The following SLC13A4 variants were observed in gnomAD, a reference collection of about 807,000 sequenced individuals.
The protein encoded by SLC13A4 is Na(+)/sulfate cotransporter SUT-1.
In SLC13A4, 28 loss-of-function variants were observed where a neutral mutation model predicts 72.7. The observed-to-expected ratio is 0.39, with a 90% CI of 0.29 to 0.53. The LOEUF (loss-of-function observed/expected upper bound fraction) is 0.53. Ranked by LOEUF, SLC13A4 falls within the 20% of genes least tolerant of loss-of-function variation. The probability of loss-of-function intolerance (pLI) is 0.78; values close to 1 mark genes in which losing one functional copy is unlikely to be tolerated. For synonymous variants in SLC13A4, 312 were observed against 325.5 expected (o/e 0.96, Z 0.45); for missense variants, 653 against 788.0 (o/e 0.83, Z 2.05).
intron 2 of SLC13A4, 102 bp downstream of exon 2, chr7:135,721,293 C>A: frequency 1.4e-6 from 2 of 1,391,802 alleles, no homozygotes; most frequent in Non-Finnish European, 1.0e-6. Flanking sequence ...GTGACAAGGC[C>A]CCCTCATCGT....
chr7:135,685,766 T>C (rs1175616443), intron 13 of SLC13A4, 83 bp from the exon 14 acceptor site: 2 of 1,310,978 alleles, frequency 1.5e-6, no homozygotes, highest in South Asian at 1.4e-5. Flanking sequence ...AGGTCAGGGA[T>C]GTTGGAAGGC....
intron 11 of SLC13A4, chr7:135,692,111 A>T: frequency 1.8e-6 from 1 of 568,656 alleles, no homozygotes; most frequent in Non-Finnish European, 3.1e-6. Flanking sequence ...TTATGTAATG[A>T]GACTACATGC....
rs540502640 is a variant in SLC13A4 at position 135,725,249 on chromosome 7, G to A, written c.99+2149C>T. Among the ~76,000 whole-genome samples the A allele has an allele frequency of 9.2e-5, 14 of 152,310 alleles. 1 individual carries two copies. Among genetic ancestry groups the A allele is most frequent in the East Asian group, 7.7e-4 (4 of 5,188 alleles). ...TACTCACTTAGGCGTGGAACTGCTC[G>A]TTTTCCACGCAGTTTGACCACCCCA... On this transcript the variant is annotated intron_variant, in intron 1 of 15. Transcript: ENST00000682651.
At chr7:135,714,180 G>A (rs899874796) in intron 2 of SLC13A4, among the ~76,000 whole-genome samples, 2 of 152,196 alleles carry the variant, frequency 1.3e-5, no homozygotes, top group South Asian at 2.1e-4. Flanking sequence ...TAAAGAAAAG[G>A]TTTCATTGCT....
In SLC13A4 at chr7:135,684,234, A is replaced by G. The variant is rs999325764; in HGVS notation, c.1636T>C (p.Tyr546His). The G allele has an allele frequency of 6.2e-7, 1 of 1,611,678 alleles. No homozygotes were observed. The highest frequency in any genetic ancestry group is 8.5e-7 in the Non-Finnish European group (1 of 1,178,624). ...CACATGGTGACTGGGATCAGGGTGTAGAGGGGGTTAATGTGCAGCGTTTCA... is the reference window on the plus strand; with the variant it reads ...CACATGGTGACTGGGATCAGGGTGTGGAGGGGGTTAATGTGCAGCGTTTCA... ...LSETLHINPL[Y>H]TLIPVTMCIS... Residue 546 changes from tyrosine to histidine, a missense_variant, in exon 15 of 16, where the codon TAC (tyrosine) becomes CAC (histidine). Physicochemically the swap from Tyr to His is moderately conservative, Grantham distance 83. Transcript: ENST00000682651.
At chr7:135,698,095 C>G (rs192298611) in intron 8 of SLC13A4, among the ~76,000 whole-genome samples, 16 of 152,056 alleles carry the variant, frequency 1.1e-4, no homozygotes, top group Admixed American at 2.6e-4. Flanking sequence ...TGCTGTGGTG[C>G]GATCTCAGCT....
At chr7:135,693,335 G>A (rs977280627) in intron 10 of SLC13A4, 1 of 152,144 alleles carries the variant, frequency 6.6e-6, no homozygotes, top group Non-Finnish European at 1.5e-5. Flanking sequence ...AGAGTACAAA[G>A]TTGAGTTGAG....
chr7:135,705,616 T>G lies in SLC13A4; in HGVS notation c.573A>C (p.Glu191Asp), dbSNP rs1437144365. ...CTCACTCTTCATTGACAAAGATGAG[T>G]TCCAGAGAAGGTTGGCTGTTCTTTA... Reference protein sequence around the residue: ...LDVKNSQPSLELIFVNEDRSN... With the variant: ...LDVKNSQPSLDLIFVNEDRSN... The change falls in exon 5 of 16, where the codon GAA becomes GAC. Residue 191 changes from glutamate to aspartate, a missense_variant. Coordinates refer to ENST00000682651, the MANE Select transcript of SLC13A4 (RefSeq NM_001318192.2). 5 of 1,613,684 alleles carry G rather than the reference T, an allele frequency of 3.1e-6. No homozygotes were observed. In the East Asian group the frequency reaches 1.1e-4, roughly 36 times the overall value.
At chr7:135,698,104 C>G (rs1028247288) in intron 8 of SLC13A4, among the ~76,000 whole-genome samples, 1 of 152,140 alleles carries the variant, frequency 6.6e-6, no homozygotes, top group Non-Finnish European at 1.5e-5. Flanking sequence ...GCGATCTCAG[C>G]TCACTGCAAC....
chr7:135,697,149 G>A (rs1045258323), intron 8 of SLC13A4, among the ~76,000 whole-genome samples: 13 of 152,222 alleles, frequency 8.5e-5, no homozygotes, highest in Admixed American at 3.9e-4. Flanking sequence ...TAAACCAAGC[G>A]TGACGCCTGT....
chr7:135,701,570 G>A, intron 7 of SLC13A4, 110 bp downstream of exon 7: 1 of 1,062,808 alleles, frequency 9.4e-7, no homozygotes, highest in South Asian at 1.3e-5. Flanking sequence ...ATGAGTGCCT[G>A]GTGACAGCTC....
intron 2 of SLC13A4, among the ~76,000 whole-genome samples, chr7:135,711,963 ATTTTTTTTTTTTTTTTTTTTTT>A (rs529940903): frequency 1.1e-4 from 5 of 46,886 alleles, no homozygotes; most frequent in African/African-American, 3.0e-4. Context: ...ATGTTTTTGG[ATTTTTTTTTTTTTTTTTTTTTT>A]TTTTTTTTTT....
chr7:135,683,330 A>T (rs1795548045), intron 15 of SLC13A4: 1 of 940,164 alleles, frequency 1.1e-6, no homozygotes, highest in African/African-American at 1.8e-5. Context: ...AAAAAGGATA[A>T]AAAAGGACCT....
intron 7 of SLC13A4, among the ~76,000 whole-genome samples, chr7:135,700,729 T>C (rs1796014421): frequency 6.6e-6 from 1 of 152,166 alleles, no homozygotes; most frequent in South Asian, 2.1e-4. Context: ...ACTGCAGCCC[T>C]GACCTCCTGG....
chr7:135,721,278 A>G (rs1208973485), intron 2 of SLC13A4, 117 bp downstream of exon 2: 5 of 1,225,374 alleles, frequency 4.1e-6, no homozygotes, highest in Non-Finnish European at 4.7e-6. Context: ...GGGTCATTCC[A>G]GTGGGTGACA....
intron 2 of SLC13A4, among the ~76,000 whole-genome samples, chr7:135,711,264 G>A (rs1796294876): frequency 1.3e-5 from 2 of 152,076 alleles, no homozygotes; most frequent in South Asian, 4.2e-4. Flanking sequence ...AAGTCAGTGC[G>A]ACTGGGGTGT....
Position 135,691,618 on chromosome 7 carries a change from G to T in SLC13A4, c.1251C>A (p.Val417=), listed in dbSNP as rs765493308. The T allele has an allele frequency of 6.2e-7, 1 of 1,613,808 alleles. No homozygotes were observed. The highest frequency in any genetic ancestry group is 8.5e-7 in the Non-Finnish European group (1 of 1,179,666). The change falls in exon 12 of 16, where the codon GTC becomes GTA. Residue 417 remains valine, a synonymous_variant. Coordinates refer to ENST00000682651, the MANE Select transcript of SLC13A4 (RefSeq NM_001318192.2). Reference sequence around the variant, plus strand: ...AGAGGAGGAAGCCAAGGAAGACAGAGACTGTGGCATCAGTACGGTAGCCTT... The same window carrying T: ...AGAGGAGGAAGCCAAGGAAGACAGATACTGTGGCATCAGTACGGTAGCCTT... ...EKKGYRTDAT[V]SVFLGFLLFL...
At chr7:135,719,959 G>A (rs1796512721) in intron 2 of SLC13A4, among the ~76,000 whole-genome samples, 1 of 142,510 alleles carries the variant, frequency 7.0e-6, no homozygotes, top group South Asian at 2.1e-4. Flanking sequence ...GTTGGGGGGA[G>A]AGAGAGAGAG....
chr7:135,706,071 G>A lies in SLC13A4; in HGVS notation c.538+57C>T, dbSNP rs1396225285. 1.6e-5 allele frequency: 24 copies of A among 1,506,238 alleles called. No homozygotes were observed. In the South Asian group the frequency reaches 2.8e-4, roughly 18 times the overall value. The allele number at this position is 1,506,238 out of a possible 1,614,324, so 93.3% of individuals were successfully genotyped here. A position where few individuals can be genotyped will look rare whatever the true frequency, so the allele number is the denominator to read the frequency against. The stretch of plus-strand genomic sequence containing the variant: ...CAGTCTCCCTAGAGGAGCCAGGCAG[G>A]AGGACCCCAGGGGAGGTTGGAGGAG... On this transcript the variant is annotated intron_variant, in intron 4 of 15. Coordinates refer to ENST00000682651, the MANE Select transcript of SLC13A4 (RefSeq NM_001318192.2).
Sources: allele counts gnomAD v4.1 joint callset (sites outside exome capture counted in the v4.1 genomes callset), GRCh38; gene constraint gnomAD v4.1.1; transcripts MANE v1.5; gene names NCBI Gene and HGNC (gene_info 2026-07-23, HGNC 2026-07-21).